The following CSGALNACT1 variants were observed in gnomAD, a reference collection of about 807,000 sequenced individuals.
The protein encoded by CSGALNACT1 is chondroitin sulfate N-acetylgalactosaminyltransferase 1.
Under a neutral mutation model 51.0 loss-of-function variants are expected in CSGALNACT1, and 52 were observed. The ratio of observed to expected loss-of-function variants is 1.02; its 90% CI spans 0.82 to 1.29. The LOEUF is 1.29. Ranked by LOEUF, CSGALNACT1 falls within the 50% of genes most tolerant of loss-of-function variation. CSGALNACT1 has a pLI of 0.00. For synonymous variants in CSGALNACT1, 341 were observed against 254.4 expected (o/e 1.34, Z -3.24); for missense variants, 935 against 679.2 (o/e 1.38, Z -4.19).
At chr8:19,567,286 T>C (rs1263125360) in intron 3 of CSGALNACT1, among the ~76,000 whole-genome samples, 1 of 152,216 alleles carries the variant, frequency 6.6e-6, no homozygotes, top group African/African-American at 2.4e-5. Flanking sequence ...TAAACGTCAA[T>C]TCTTCCAGCA....
At chr8:19,415,299 T>C (rs77944654) in intron 8 of CSGALNACT1, among the ~76,000 whole-genome samples, 1 of 152,222 alleles carries the variant, frequency 6.6e-6, no homozygotes, top group African/African-American at 2.4e-5. Context: ...AAGAACTGGT[T>C]TGTCCAGTAA....
At chr8:19,752,967 A>T (rs532237010) in intron 1 of CSGALNACT1, among the ~76,000 whole-genome samples, 2 of 152,268 alleles carry the variant, frequency 1.3e-5, no homozygotes, top group Non-Finnish European at 2.9e-5. Flanking sequence ...AGACTCATTC[A>T]TTTCCTCTCA....
chr8:19,680,545 G>C (rs982334956), intron 1 of CSGALNACT1, among the ~76,000 whole-genome samples: 1 of 93,912 alleles, frequency 1.1e-5, no homozygotes, highest in Non-Finnish European at 2.2e-5. Flanking sequence ...AACAAAGGAA[G>C]AATCTGCACC....
intron 4 of CSGALNACT1, among the ~76,000 whole-genome samples, chr8:19,500,220 T>A (rs1230057907): frequency 1.3e-5 from 2 of 152,134 alleles, no homozygotes; most frequent in Admixed American, 6.5e-5. Context: ...ACCCCGGTTC[T>A]GCCACCCTTG....
intron 3 of CSGALNACT1, among the ~76,000 whole-genome samples, chr8:19,569,589 CAAATGCTTTCAAGGATGTGGAGCAACTGG>C (rs2042582782): frequency 6.6e-6 from 1 of 151,910 alleles, no homozygotes; most frequent in South Asian, 2.1e-4. Flanking sequence ...TTGACAATAC[CAAATGCTTTCAAGGATGTGGAGCAACTGG>C]AGCTCACATA....
intron 1 of CSGALNACT1, among the ~76,000 whole-genome samples, chr8:19,666,921 G>A (rs1167593695): frequency 1.4e-5 from 2 of 137,986 alleles, no homozygotes; most frequent in Non-Finnish European, 3.1e-5. Flanking sequence ...AAGGGAGGAA[G>A]GGAGAGACAG....
rs1477401602 is a variant in CSGALNACT1 at position 19,483,552 on chromosome 8, A to C, written c.634+21649T>G. 2.0e-5 allele frequency among the ~76,000 whole-genome samples: 3 copies of C among 152,108 alleles called. 1 individual carries two copies. Among genetic ancestry groups the C allele is most frequent in the African/African-American group, 2.4e-5 (1 of 41,398 alleles). On this transcript the variant is annotated intron_variant, in intron 4 of 9. Coordinates refer to ENST00000454498, the Ensembl canonical transcript of CSGALNACT1. ...GCTCCTCTCTGTCCTGTTCCCTTCT[A>C]TCTCTCTAGACTTAGCTCAGAATAT...
chr8:19,423,289 G>A (rs973038107), intron 6 of CSGALNACT1, among the ~76,000 whole-genome samples: 3 of 152,220 alleles, frequency 2.0e-5, no homozygotes, highest in Non-Finnish European at 2.9e-5. Context: ...GTTAAATCAT[G>A]TTGAGTAATT....
chr8:19,703,085 AT>A (rs2061971148), intron 1 of CSGALNACT1, among the ~76,000 whole-genome samples: 1 of 152,200 alleles, frequency 6.6e-6, no homozygotes, highest in African/African-American at 2.4e-5. Context: ...AAGGGAGGTC[AT>A]TGGGAAGTGC....
chr8:19,465,771 TCA>T (rs1205314078), intron 4 of CSGALNACT1, among the ~76,000 whole-genome samples: 4 of 152,192 alleles, frequency 2.6e-5, no homozygotes, highest in Non-Finnish European at 5.9e-5. Flanking sequence ...GCTTACCATT[TCA>T]CAGATGAGCA....
chr8:19,589,489 C>A (rs1234351148), intron 3 of CSGALNACT1, among the ~76,000 whole-genome samples: 4 of 152,118 alleles, frequency 2.6e-5, no homozygotes, highest in Non-Finnish European at 5.9e-5. Context: ...CCACATCTGG[C>A]TAATTTTTGT....
intron 3 of CSGALNACT1, among the ~76,000 whole-genome samples, chr8:19,561,795 G>A (rs780430717): frequency 9.2e-5 from 14 of 152,210 alleles, no homozygotes; most frequent in Non-Finnish European, 2.1e-4. Flanking sequence ...TAGTGAGGAA[G>A]GCCAGTGGAA....
At chr8:19,520,561 T>C (rs1336231326) in intron 3 of CSGALNACT1, among the ~76,000 whole-genome samples, 2 of 152,250 alleles carry the variant, frequency 1.3e-5, no homozygotes, top group Non-Finnish European at 2.9e-5. Flanking sequence ...CAAGATTTCA[T>C]GCCTGTAAAG....
intron 5 of CSGALNACT1, among the ~76,000 whole-genome samples, chr8:19,450,773 G>T (rs1449637378): frequency 2.0e-5 from 3 of 152,018 alleles, no homozygotes; most frequent in Non-Finnish European, 2.9e-5. Context: ...GGCTGGATGT[G>T]GTGGCATGCA....
At chr8:19,605,623 G>C (rs977978410), upstream of CSGALNACT1, among the ~76,000 whole-genome samples, 1 of 152,132 alleles carries the variant, frequency 6.6e-6, no homozygotes, top group South Asian at 2.1e-4. Context: ...AACCGAGTAA[G>C]AGGAGGCAGG....
intron 4 of CSGALNACT1, among the ~76,000 whole-genome samples, chr8:19,484,501 C>A (rs7004101): frequency 0.018 from 2,732 of 152,144 alleles, 73 homozygotes; most frequent in African/African-American, 0.062. Context: ...CTCACAATCA[C>A]GGCAGAAGGC....
intron 3 of CSGALNACT1, among the ~76,000 whole-genome samples, chr8:19,576,206 G>C (rs1288886460): frequency 6.6e-6 from 1 of 151,912 alleles, no homozygotes; most frequent in African/African-American, 2.4e-5. Context: ...TTGTTGTCTT[G>C]TTTTCTTGAG....
intron 3 of CSGALNACT1, among the ~76,000 whole-genome samples, chr8:19,511,989 C>A (rs2078552517): frequency 6.6e-6 from 1 of 152,180 alleles, no homozygotes. Flanking sequence ...CTCCATGATC[C>A]AATCATCTCC....
intron 3 of CSGALNACT1, among the ~76,000 whole-genome samples, chr8:19,530,222 AAAAACAAAACAAAAC>A (rs58765246): frequency 6.7e-4 from 101 of 150,198 alleles, no homozygotes; most frequent in Non-Finnish European, 9.9e-4. Context: ...CTCTGGCTGA[AAAAACAAAACAAAAC>A]AAAACAAAAC....
Sources: allele counts gnomAD v4.1 joint callset (sites outside exome capture counted in the v4.1 genomes callset), GRCh38; gene constraint gnomAD v4.1.1; transcripts MANE v1.5; gene names NCBI Gene and HGNC (gene_info 2026-07-23, HGNC 2026-07-21).